LRP2BP: variants seen among roughly 807,000 people sequenced by gnomAD.
LRP2BP encodes LRP2-binding protein.
In LRP2BP, 38 loss-of-function variants were observed where a neutral mutation model predicts 45.2. The ratio of observed to expected loss-of-function variants is 0.84; its 90% CI spans 0.65 to 1.10. The LOEUF is 1.10. Among genes scored for constraint, LRP2BP ranks in the 50% least tolerant of loss-of-function variants. The pLI is 0.00. For missense variants in LRP2BP, 385 were observed against 418.9 expected (o/e 0.92, Z 0.71); for synonymous variants, 153 against 153.9 (o/e 0.99, Z 0.04).
intron 1 of LRP2BP, among the ~76,000 whole-genome samples, chr4:185,384,674 C>T (rs532719481): frequency 2.7e-5 from 4 of 150,840 alleles, no homozygotes; most frequent in Non-Finnish European, 5.9e-5. Flanking sequence ...TAAGCCTCCC[C>T]GGCAAACCCT....
chr4:185,380,199 A>T (rs540422095), intron 1 of LRP2BP, among the ~76,000 whole-genome samples: 46 of 152,150 alleles, frequency 3.0e-4, no homozygotes, highest in African/African-American at 1.1e-3. Flanking sequence ...ATGTTTTGGG[A>T]ATTTTTAGCT....
rs890038238 is a variant in LRP2BP, at chr4:185,395,546, T to C, written c.-789A>G. 1.4e-5 allele frequency: 14 copies of C among 983,332 alleles called. No homozygotes were observed. In the Admixed American group the frequency reaches 2.5e-4, roughly 17 times the overall value. The allele number at this position is 983,332 out of a possible 1,614,324, so 60.9% of individuals were successfully genotyped here. ...GTTCTTTAAACATCATTAAAAGATA[T>C]TGTGAATAGTTTAAATATTAAAAAT... On this transcript the variant is annotated 5_prime_UTR_variant, in exon 1 of 9. Coordinates refer to ENST00000505916, the MANE Select transcript of LRP2BP (RefSeq NM_001377440.1).
In LRP2BP at chr4:185,395,567, A is replaced by C; in HGVS notation, c.-810T>G. On this transcript the variant is annotated 5_prime_UTR_variant, in exon 1 of 9. Coordinates refer to ENST00000505916, the MANE Select transcript of LRP2BP (RefSeq NM_001377440.1). The stretch of plus-strand genomic sequence containing the variant: ...GATATTGTGAATAGTTTAAATATTA[A>C]AAATGTGGAATATAAGAACGATTCT... 1 of 980,020 alleles carries C rather than the reference A, an allele frequency of 1.0e-6. No individual in the cohort carries two copies. The highest frequency in any genetic ancestry group is 1.7e-5 in the African/African-American group (1 of 57,230). 60.7% of individuals were successfully genotyped at this position (980,020 alleles called of 1,614,324 possible). A position where few individuals can be genotyped will look rare whatever the true frequency, so the allele number is the denominator to read the frequency against.
At chr4:185,388,363 C>T (rs1371004928) in intron 1 of LRP2BP, among the ~76,000 whole-genome samples, 1 of 137,332 alleles carries the variant, frequency 7.3e-6, no homozygotes, top group East Asian at 2.3e-4. Flanking sequence ...AGCCATGTCC[C>T]GGGGTCTTAT....
chr4:185,378,533 C>T, intron 1 of LRP2BP: 4 of 1,044,006 alleles, frequency 3.8e-6, no homozygotes, highest in Non-Finnish European at 4.6e-6. Context: ...TTAGTGGGAC[C>T]TGGTGACACT....
At chr4:185,378,570 G>A in intron 1 of LRP2BP, 1 of 1,009,272 alleles carries the variant, frequency 9.9e-7, no homozygotes, top group Non-Finnish European at 1.2e-6. Context: ...CTTCTGCACT[G>A]GTACCTTCTC....
intron 7 of LRP2BP, chr4:185,371,016 A>T (rs1370636198): frequency 3.9e-6 from 2 of 516,908 alleles, no homozygotes; most frequent in Non-Finnish European, 6.9e-6. Context: ...GTGACTTCAC[A>T]TGTCTCTGTA....
At chr4:185,377,218 G>T in intron 2 of LRP2BP, 200 bp from the exon 3 acceptor site, 1 of 546,494 alleles carries the variant, frequency 1.8e-6, no homozygotes, top group Non-Finnish European at 3.3e-6. Flanking sequence ...ACTGTGCCTT[G>T]TGTAATAAAG....
intron 1 of LRP2BP, among the ~76,000 whole-genome samples, chr4:185,383,056 T>A (rs980652631): frequency 1.3e-5 from 2 of 152,234 alleles, no homozygotes; most frequent in African/African-American, 2.4e-5. Context: ...TACCTGTTTG[T>A]TGAAAAGATC....
chr4:185,382,259 T>C (rs2095457904), intron 1 of LRP2BP, among the ~76,000 whole-genome samples: 1 of 152,210 alleles, frequency 6.6e-6, no homozygotes, highest in African/African-American at 2.4e-5. Flanking sequence ...AAAAAATCTG[T>C]TCATCAGTTG....
intron 1 of LRP2BP, among the ~76,000 whole-genome samples, chr4:185,386,797 T>C (rs924214802): frequency 6.6e-6 from 1 of 152,168 alleles, no homozygotes; most frequent in Non-Finnish European, 1.5e-5. Flanking sequence ...AAGGACTAGC[T>C]AGTGGTGACA....
intron 1 of LRP2BP, among the ~76,000 whole-genome samples, chr4:185,386,436 C>T (rs2095472037): frequency 6.6e-6 from 1 of 152,168 alleles, no homozygotes; most frequent in Admixed American, 6.5e-5. Flanking sequence ...ATGCAAAAAA[C>T]TATTAACATT....
chr4:185,369,367 A>G (rs2095406755), intron 8 of LRP2BP, among the ~76,000 whole-genome samples: 1 of 140,236 alleles, frequency 7.1e-6, no homozygotes, highest in Non-Finnish European at 1.5e-5. Flanking sequence ...ACAGGCACAC[A>G]TTGCCATGCC....
chr4:185,397,195 G>A, upstream of LRP2BP: 1 of 1,613,886 alleles, frequency 6.2e-7, no homozygotes, highest in Non-Finnish European at 8.5e-7. Flanking sequence ...CTCGGTCAAC[G>A]CACCCCCGGA....
intron 1 of LRP2BP, among the ~76,000 whole-genome samples, chr4:185,391,300 G>C (rs1476859728): frequency 1.3e-5 from 2 of 152,120 alleles, no homozygotes; most frequent in Non-Finnish European, 1.5e-5. Context: ...ACAATTACTG[G>C]CCATGGCAGC....
At chr4:185,383,905 A>G (rs1561089481) in intron 1 of LRP2BP, among the ~76,000 whole-genome samples, 1 of 152,168 alleles carries the variant, frequency 6.6e-6, no homozygotes, top group Non-Finnish European at 1.5e-5. Flanking sequence ...GAGAGAACAT[A>G]AGCCTGGGCG....
In LRP2BP at chr4:185,371,526, A is replaced by G. The variant is rs1466623784; in HGVS notation, c.804-712T>C. ...CACTGCACTCCAGCCTGGGCAACAG[A>G]GCGAGACTCCGTCTAAAAAAAAAAA... On this transcript the variant is annotated intron_variant, in intron 7 of 8. Transcript: ENST00000505916. Among the ~76,000 whole-genome samples, 9 of 137,690 alleles carry G rather than the reference A, an allele frequency of 6.5e-5. No individual in the cohort carries two copies. The South Asian group carries it at 1.2e-3, about 19-fold the overall frequency. 90.3% of individuals were successfully genotyped at this position (137,690 alleles called of 152,430 possible). A position where few individuals can be genotyped will look rare whatever the true frequency, so the allele number is the denominator to read the frequency against.
chr4:185,383,657 G>T lies in LRP2BP; in HGVS notation c.-21-5450C>A, dbSNP rs562190324. ...AACTTGGCACTTCCATCCCCTAACTGGTAAGACTGGTTTTGCTGTGTTTAA... is the reference window on the plus strand; with the variant it reads ...AACTTGGCACTTCCATCCCCTAACTTGTAAGACTGGTTTTGCTGTGTTTAA... On this transcript the variant is annotated intron_variant, in intron 1 of 8. Coordinates refer to ENST00000505916, the MANE Select transcript of LRP2BP (RefSeq NM_001377440.1). Among the ~76,000 whole-genome samples the T allele has an allele frequency of 4.6e-5, 7 of 152,310 alleles. No individual in the cohort carries two copies. The South Asian group carries it at 1.5e-3, about 32-fold the overall frequency.
intron 1 of LRP2BP, 53 bp downstream of exon 1, chr4:185,394,726 C>T (rs1335877897): frequency 1.0e-6 from 1 of 982,846 alleles, no homozygotes; most frequent in African/African-American, 1.7e-5. Flanking sequence ...CCTTAGCAAA[C>T]TCTTACTACT....
Sources: allele counts gnomAD v4.1 joint callset (sites outside exome capture counted in the v4.1 genomes callset), GRCh38; gene constraint gnomAD v4.1.1; transcripts MANE v1.5; gene names NCBI Gene and HGNC (gene_info 2026-07-23, HGNC 2026-07-21).